Variants in SPAST observed in about 807,000 individuals in gnomAD.
SPAST encodes spastic paraplegia 4 (autosomal dominant; spastin).
SPAST carries 30 observed loss-of-function variants against 76.6 expected under a neutral mutation model. That is an observed-to-expected ratio of 0.39 (90% CI 0.29 to 0.53). The LOEUF is 0.53. Ranked by LOEUF, SPAST falls within the 20% of genes least tolerant of loss-of-function variation. The pLI is 0.68. For missense variants in SPAST, 717 were observed against 770.5 expected (o/e 0.93, Z 0.82); for synonymous variants, 305 against 281.0 (o/e 1.09, Z -0.86).
chr2:32,142,163 A>G (rs1679741734), intron 13 of SPAST, among the ~76,000 whole-genome samples: 1 of 152,220 alleles, frequency 6.6e-6, no homozygotes, highest in African/African-American at 2.4e-5. Flanking sequence ...AAAGACTTGT[A>G]CAAGAATTTT....
At chr2:32,106,578 TC>T (rs2148723968) in intron 4 of SPAST, among the ~76,000 whole-genome samples, 1 of 152,308 alleles carries the variant, frequency 6.6e-6, no homozygotes, top group Admixed American at 6.5e-5. Context: ...TATTTGGCCA[TC>T]TTGGAACCCT....
In SPAST at chr2:32,110,761, A is replaced by ATATAGTATACATAGTATACTATATATAG. The variant is rs1322241847; in HGVS notation, c.683-3851_683-3824dup. ...CTGTATAGTATATATAGTATAGTAT[A>ATATAGTATACATAGTATACTATATATAG]TATAGTATACATAGTATACTATATA... On this transcript the variant is annotated intron_variant, in intron 4 of 16. Coordinates refer to ENST00000315285, the MANE Select transcript of SPAST (RefSeq NM_014946.4). 1.0e-2 allele frequency among the ~76,000 whole-genome samples: 1,336 copies of ATATAGTATACATAGTATACTATATATAG among 133,970 alleles called. 27 individuals are homozygous for ATATAGTATACATAGTATACTATATATAG. The highest frequency in any genetic ancestry group is 0.013 in the Non-Finnish European group (864 of 64,396). 87.9% of individuals were successfully genotyped at this position (133,970 alleles called of 152,430 possible).
chr2:32,154,282 A>T, intron 16 of SPAST, 92 bp from the exon 17 acceptor site: 2 of 1,093,634 alleles, frequency 1.8e-6, no homozygotes, highest in South Asian at 1.3e-5. Flanking sequence ...TAACATTAAG[A>T]AACAGCAGCA....
At chr2:32,138,237 C>T (rs1679605651) in intron 12 of SPAST, among the ~76,000 whole-genome samples, 1 of 152,194 alleles carries the variant, frequency 6.6e-6, no homozygotes, top group Non-Finnish European at 1.5e-5. Context: ...AATCTTCAAA[C>T]TGCTTTCTAC....
At chr2:32,091,205 T>G (rs1044947790) in intron 3 of SPAST, among the ~76,000 whole-genome samples, 1 of 150,558 alleles carries the variant, frequency 6.6e-6, no homozygotes, top group African/African-American at 2.4e-5. Context: ...TAAGTTATTT[T>G]GCATGTCTGG....
intron 1 of SPAST, chr2:32,065,973 CT>C (rs34253724): frequency 0.031 from 4,076 of 131,766 alleles, 53 homozygotes; most frequent in African/African-American, 0.063. Context: ...CTGCTCCATT[CT>C]TTTTTTTTTT....
At chr2:32,088,051 C>G (rs1375959819) in intron 2 of SPAST, among the ~76,000 whole-genome samples, 1 of 151,834 alleles carries the variant, frequency 6.6e-6, no homozygotes, top group Non-Finnish European at 1.5e-5. Context: ...CCGTGCCCAG[C>G]TAATTTTTGT....
At chr2:32,117,042 C>T (rs1037473758) in intron 7 of SPAST, among the ~76,000 whole-genome samples, 14 of 151,908 alleles carry the variant, frequency 9.2e-5, no homozygotes, top group African/African-American at 2.9e-4. Context: ...GGGCAGATCA[C>T]GAGGTCAAGA....
chr2:32,143,745 A>G (rs1277807844), intron 14 of SPAST, among the ~76,000 whole-genome samples: 2 of 152,114 alleles, frequency 1.3e-5, no homozygotes, highest in Non-Finnish European at 2.9e-5. Context: ...CATCTCTACA[A>G]AAAATAAAAT....
At position 32,064,134 on chromosome 2, in the gene SPAST, G is replaced by C; in HGVS notation, c.303G>C (p.Ser101=). The C allele has an allele frequency of 1.0e-5, 16 of 1,575,518 alleles. No individual in the cohort carries two copies. The highest frequency in any genetic ancestry group is 1.3e-5 in the Non-Finnish European group (15 of 1,161,550). ...RSSGAAPAPA[S]ASAPAPVPGG... ...CCGGGGCCGCGCCAGCACCTGCCTC[G>C]GCCTCGGCCCCGGCGCCGGTGCCGG... is the stretch of plus-strand genomic sequence containing the variant. Residue 101 remains serine, a synonymous_variant, in exon 1 of 17, where the codon TCG becomes TCC. Coordinates refer to ENST00000315285, the MANE Select transcript of SPAST (RefSeq NM_014946.4).
intron 7 of SPAST, among the ~76,000 whole-genome samples, chr2:32,117,471 A>T (rs1267106419): frequency 1.3e-5 from 2 of 151,336 alleles, no homozygotes; most frequent in Admixed American, 1.3e-4. Flanking sequence ...TTTTTTTTTT[A>T]ATTATTTTTA....
intron 9 of SPAST, among the ~76,000 whole-genome samples, chr2:32,131,133 G>A (rs373564775): frequency 2.6e-5 from 4 of 152,072 alleles, no homozygotes; most frequent in African/African-American, 9.7e-5. Context: ...CTCTTCCTTA[G>A]GCAGTTCTTC....
chr2:32,094,828 C>T (rs984341402), intron 3 of SPAST, among the ~76,000 whole-genome samples: 1 of 152,094 alleles, frequency 6.6e-6, no homozygotes, highest in Non-Finnish European at 1.5e-5. Context: ...AAATTAGCTG[C>T]GTGTGGTGGC....
At position 32,154,416 on chromosome 2, in the gene SPAST, A is replaced by G. The variant is rs1553321227; in HGVS notation, c.1771A>G (p.Lys591Glu). ...ATCTGACTTCACTGAATCCTTGAAA[A>G]AAATAAAACGCAGCGTCAGCCCTCA... Reference protein sequence around the residue: ...RLSDFTESLKKIKRSVSPQTL... With the variant: ...RLSDFTESLKEIKRSVSPQTL... The change falls in exon 17 of 17, where the codon AAA (lysine) becomes GAA (glutamate). Residue 591 changes from lysine to glutamate, a missense_variant. Around this residue, in one of 3 missense-constraint regions of SPAST, gnomAD observed 96 missense variants for 127.6 expected, o/e 0.75. Transcript: ENST00000315285. 6.2e-7 allele frequency: 1 copy of G among 1,613,600 alleles called. No homozygotes were observed. Among genetic ancestry groups the G allele is most frequent in the Non-Finnish European group, 8.5e-7 (1 of 1,179,512 alleles).
chr2:32,083,744 TA>T (rs1231153063), intron 1 of SPAST, among the ~76,000 whole-genome samples: 2 of 61,418 alleles, frequency 3.3e-5, no homozygotes, highest in African/African-American at 6.4e-5. Flanking sequence ...TATATATTTA[TA>T]TATACTATAT....
chr2:32,074,191 G>A, intron 1 of SPAST, among the ~76,000 whole-genome samples: 1 of 152,186 alleles, frequency 6.6e-6, no homozygotes, highest in Non-Finnish European at 1.5e-5. Context: ...ATAATTCTAT[G>A]AATAAATATC....
In SPAST at chr2:32,116,139, A is replaced by G. The variant is rs751804370; in HGVS notation, c.1025A>G (p.Asp342Gly). 14 of 1,613,216 alleles carry G rather than the reference A, an allele frequency of 8.7e-6. No individual in the cohort carries two copies. The highest frequency in any genetic ancestry group is 1.2e-5 in the Non-Finnish European group (14 of 1,179,374). The change falls in exon 7 of 17, where the codon GAT becomes GGT. Residue 342 changes from aspartate (D) to glycine (G), a missense_variant. Asp to Gly is a moderately conservative substitution (Grantham distance 94). This residue lies in a region of SPAST where 543 missense variants were observed against 445.2 expected (regional missense o/e 1.22). Transcript: ENST00000315285. ...IVDNGTAVKF[D>G]DIAGQDLAKQ... is the part of the protein sequence containing the mutation. ...CTTAGTGGAACAGCTGTTAAATTTG[A>G]TGATATAGCTGGTCAAGACTTGGCA...
chr2:32,140,943 G>GTTTTTTTTT (rs35964074), intron 12 of SPAST, among the ~76,000 whole-genome samples: 1 of 117,196 alleles, frequency 8.5e-6, no homozygotes, highest in Non-Finnish European at 1.9e-5. Flanking sequence ...TGTTGTTGTT[G>GTTTTTTTTT]TTTTTTTTTT....
intron 1 of SPAST, among the ~76,000 whole-genome samples, chr2:32,074,810 T>C (rs1676887269): frequency 6.6e-6 from 1 of 152,036 alleles, no homozygotes; most frequent in Non-Finnish European, 1.5e-5. Context: ...CCTGGCCTGT[T>C]TCTTAGATTT....
Sources: gnomAD v4.1 joint callset for allele counts (sites outside exome capture counted in the v4.1 genomes callset) on GRCh38, gnomAD v4.1.1 for gene constraint, gnomAD v4.1.1 regional missense constraint, MANE v1.5 for transcripts, NCBI Gene and HGNC (gene_info 2026-07-23, HGNC 2026-07-21) for gene names.